Variants in CASP2 observed in about 807,000 individuals in gnomAD.
The protein encoded by CASP2 is caspase 2.
Under a neutral mutation model 54.4 loss-of-function variants are expected in CASP2, and 38 were observed. The ratio of observed to expected loss-of-function variants is 0.70; its 90% CI spans 0.54 to 0.92. The LOEUF is 0.92. Among genes scored for constraint, CASP2 ranks in the 40% least tolerant of loss-of-function variants. CASP2 has a pLI of 0.00. For synonymous variants in CASP2, 215 were observed against 216.3 expected (o/e 0.99, Z 0.05); for missense variants, 512 against 579.6 (o/e 0.88, Z 1.20).
Position 143,294,736 on chromosome 7 carries a change from G to C in CASP2, c.710G>C (p.Gly237Ala), listed in dbSNP as rs968438332. 1.2e-6 allele frequency: 2 copies of C among 1,614,194 alleles called. No individual in the cohort carries two copies. Among genetic ancestry groups the C allele is most frequent in the African/African-American group, 2.7e-5 (2 of 75,038 alleles). Reference sequence around the variant, plus strand: ...CTAGTCACCCTCTTCAAGCTTTTGGGCTATGACGTCCATGTTCTATGTGAC... The same window carrying C: ...CTAGTCACCCTCTTCAAGCTTTTGGCCTATGACGTCCATGTTCTATGTGAC... ...STLVTLFKLL[G>A]YDVHVLCDQT... Residue 237 changes from glycine to alanine, a missense_variant, in exon 6 of 11, where the codon GGC becomes GCC. By Grantham distance (60) the Gly-to-Ala change is moderately conservative (BLOSUM62 0). This residue lies in a region of CASP2 where 417 missense variants were observed against 495.4 expected (regional missense o/e 0.84). Transcript: ENST00000310447.
rs754724959 is a variant in CASP2 at position 143,294,190 on chromosome 7, A to G, written c.476-40A>G. The G allele has an allele frequency of 1.3e-5, 13 of 1,024,384 alleles. No individual in the cohort carries two copies. In the Middle Eastern group the frequency reaches 6.1e-4, roughly 48 times the overall value. The allele number at this position is 1,024,384 out of a possible 1,614,324, so 63.5% of individuals were successfully genotyped here. On this transcript the variant is annotated intron_variant, in intron 4 of 10. Transcript: ENST00000310447. Reference sequence around the variant, plus strand: ...AATGACATATTAAGATTGATGGTTAAGTTATATACTAGTTTTTTGGTTTTC... The same window carrying G: ...AATGACATATTAAGATTGATGGTTAGGTTATATACTAGTTTTTTGGTTTTC...
intron 1 of CASP2, among the ~76,000 whole-genome samples, chr7:143,290,055 C>CTTTTTTT (rs35440867): frequency 8.7e-5 from 10 of 114,548 alleles, no homozygotes; most frequent in African/African-American, 2.2e-4. Flanking sequence ...TTTTCCCTCC[C>CTTTTTTT]TTTTTTTTTT....
chr7:143,292,125 G>A (rs1360624564), intron 2 of CASP2, among the ~76,000 whole-genome samples, 175 bp from the exon 3 acceptor site: 1 of 152,112 alleles, frequency 6.6e-6, no homozygotes, highest in Non-Finnish European at 1.5e-5. Context: ...CTACCGTAGA[G>A]CATTTGAGAG....
At chr7:143,291,744 A>G (rs1299879382) in intron 2 of CASP2, 54 bp downstream of exon 2, 4 of 1,375,276 alleles carry the variant, frequency 2.9e-6, no homozygotes, top group Admixed American at 1.7e-5. Flanking sequence ...GGAATAGAGC[A>G]TGACAAAATA....
At chr7:143,294,507 C>T (rs1380477768) in intron 5 of CASP2, 90 bp from the exon 6 acceptor site, 11 of 1,312,326 alleles carry the variant, frequency 8.4e-6, no homozygotes, top group African/African-American at 4.3e-5. Flanking sequence ...AAGAAAAATA[C>T]GATGTCTTTG....
Position 143,295,376 on chromosome 7 carries a change from GT to G in CASP2, c.747+606del, listed in dbSNP as rs1282285440. Among the ~76,000 whole-genome samples, 13 of 152,292 alleles carry G rather than the reference GT, an allele frequency of 8.5e-5. No homozygotes were observed. The East Asian group carries it at 2.3e-3, about 27-fold the overall frequency. ...GTAATCACAAGTCATAGGGTAGATTGTTTGTGGACCAGATTTCTAGAAATTG... is the reference window on the plus strand; with the variant it reads ...GTAATCACAAGTCATAGGGTAGATTGTTGTGGACCAGATTTCTAGAAATTG... On this transcript the variant is annotated intron_variant, in intron 6 of 10. Transcript: ENST00000310447.
chr7:143,304,047 G>T (rs1457474321), intron 9 of CASP2, 114 bp downstream of exon 9: 5 of 1,106,536 alleles, frequency 4.5e-6, no homozygotes, highest in Non-Finnish European at 6.6e-6. Context: ...AACCAGAAGT[G>T]TTTCAGATTT....
chr7:143,291,685 AT>A lies in CASP2; in HGVS notation c.221del (p.Ile74ThrfsTer33). 1 of 1,613,632 alleles carries A rather than the reference AT, an allele frequency of 6.2e-7. No homozygotes were observed. The highest frequency in any genetic ancestry group is 8.5e-7 in the Non-Finnish European group (1 of 1,179,700). Reference protein sequence around the residue: ...DIITLEMRELIQAKVGSFSQN... With the variant: ...DIITLEMRELXQAKVGSFSQN... ...CATCACCTTGGAAATGAGGGAGCTCATCCAGGTATCTGGAGGCAAAAGAGAG... is the reference window on the plus strand; with the variant it reads ...CATCACCTTGGAAATGAGGGAGCTCACCAGGTATCTGGAGGCAAAAGAGAG... On this transcript the variant is annotated frameshift_variant, in exon 2 of 11. Transcript: ENST00000310447. LOFTEE classifies it high-confidence loss of function.
In CASP2 at chr7:143,305,815, G is replaced by A. The variant is rs907052080; in HGVS notation, c.*744G>A. 6.5e-6 allele frequency: 1 copy of A among 154,084 alleles called. No homozygotes were observed. Among genetic ancestry groups the A allele is most frequent in the Non-Finnish European group, 1.4e-5 (1 of 69,308 alleles). 9.5% of individuals were successfully genotyped at this position (154,084 alleles called of 1,614,324 possible). A position where few individuals can be genotyped will look rare whatever the true frequency, so the allele number is the denominator to read the frequency against. On this transcript the variant is annotated 3_prime_UTR_variant, in exon 11 of 11. Coordinates refer to ENST00000310447, the MANE Select transcript of CASP2 (RefSeq NM_032982.4). ...TTTGTTACTGAAATGAGCCTCGTGGGGAGCATCAGAGAAGGCCAGGAAGAA... is the reference window on the plus strand; with the variant it reads ...TTTGTTACTGAAATGAGCCTCGTGGAGAGCATCAGAGAAGGCCAGGAAGAA...
At chr7:143,292,922 A>G (rs1801621295) in intron 4 of CASP2, among the ~76,000 whole-genome samples, 1 of 151,944 alleles carries the variant, frequency 6.6e-6, no homozygotes, top group Non-Finnish European at 1.5e-5. Flanking sequence ...GGGGCAGGAG[A>G]ATTGCTAGAA....
At chr7:143,292,842 C>A in intron 4 of CASP2, 144 bp downstream of exon 4, 1 of 706,100 alleles carries the variant, frequency 1.4e-6, no homozygotes, top group South Asian at 1.5e-5. Flanking sequence ...GAAACCCCGT[C>A]TCTACTAAAA....
chr7:143,303,822 A>C lies in CASP2; in HGVS notation c.1006A>C (p.Asn336His), dbSNP rs1290954450. Residue 336 changes from asparagine (N) to histidine (H), a missense_variant, in exon 9 of 11, where the codon AAC becomes CAC. Coordinates refer to ENST00000310447, the MANE Select transcript of CASP2 (RefSeq NM_032982.4). ...DRGVDQQDGK[N>H]HAGSPGCEES... is the part of the protein sequence containing the mutation. ...TGGGGTTGACCAACAAGATGGAAAG[A>C]ACCACGCAGGATCCCCTGGGTGCGA... 6.2e-7 allele frequency: 1 copy of C among 1,613,938 alleles called. No individual in the cohort carries two copies. Among genetic ancestry groups the C allele is most frequent in the Admixed American group, 1.7e-5 (1 of 59,994 alleles).
In CASP2 at chr7:143,288,424, G is replaced by A. The variant is rs1044023964; in HGVS notation, c.-32G>A. ...CCCCGGTTTGTTTGGGCTGTGGGCGGTGCGCAGCGGAGAGCCCGGGAAAAG... is the reference window on the plus strand; with the variant it reads ...CCCCGGTTTGTTTGGGCTGTGGGCGATGCGCAGCGGAGAGCCCGGGAAAAG... On this transcript the variant is annotated 5_prime_UTR_variant, in exon 1 of 11. The change creates a new upstream start codon in the 5' untranslated region. Transcript: ENST00000310447. 12 of 1,608,774 alleles carry A rather than the reference G, an allele frequency of 7.5e-6. No homozygotes were observed. Among genetic ancestry groups the A allele is most frequent in the Admixed American group, 1.7e-5 (1 of 59,848 alleles).
chr7:143,299,820 C>T, intron 6 of CASP2, 103 bp from the exon 7 acceptor site: 7 of 1,274,184 alleles, frequency 5.5e-6, no homozygotes, highest in South Asian at 3.6e-5. Context: ...ATACATAAAG[C>T]GTTTTATCTT....
intron 8 of CASP2, chr7:143,301,773 G>C (rs541654129): frequency 6.6e-6 from 1 of 152,320 alleles, no homozygotes; most frequent in East Asian, 1.9e-4. Flanking sequence ...TTTTAAAATA[G>C]CATCTGTGTG....
intron 6 of CASP2, among the ~76,000 whole-genome samples, chr7:143,295,349 G>A (rs945007051): frequency 6.6e-6 from 1 of 152,138 alleles, no homozygotes; most frequent in African/African-American, 2.4e-5. Context: ...CTTAACATTT[G>A]TGTAATCACA....
chr7:143,289,177 C>A (rs1266016776), intron 1 of CASP2, among the ~76,000 whole-genome samples: 1 of 152,150 alleles, frequency 6.6e-6, no homozygotes, highest in East Asian at 1.9e-4. Flanking sequence ...AAGGTCTTCG[C>A]AAAGGGAACC....
At position 143,291,527 on chromosome 7, in the gene CASP2, C is replaced by T. The variant is rs373756037; in HGVS notation, c.75-13C>T. 387 of 1,613,688 alleles carry T rather than the reference C, an allele frequency of 2.4e-4. No individual in the cohort carries two copies. The highest frequency in any genetic ancestry group is 6.7e-5 in the Admixed American group (4 of 59,980). On this transcript the variant is annotated splice_polypyrimidine_tract_variant and intron_variant, in intron 1 of 10. Transcript: ENST00000310447. ...GTGACTTGACAGCCTTTCCTTCTAC[C>T]GTTTATCTGTAGGATATTGGGAGTG...
chr7:143,296,733 CA>C (rs11297426), intron 6 of CASP2, among the ~76,000 whole-genome samples: 35,390 of 138,526 alleles, frequency 0.26, 4,301 homozygotes, highest in Middle Eastern at 0.44. Context: ...GAAACAGAAC[CA>C]AAAAAAAAAA....
Sources: gnomAD v4.1 joint callset for allele counts (sites outside exome capture counted in the v4.1 genomes callset) on GRCh38, gnomAD v4.1.1 for gene constraint, gnomAD v4.1.1 regional missense constraint, MANE v1.5 for transcripts, NCBI Gene and HGNC (gene_info 2026-07-23, HGNC 2026-07-21) for gene names.